Variants in KLF12 observed in about 807,000 individuals in gnomAD.
KLF12 encodes the protein KLF transcription factor 12.
Under a neutral mutation model 37.8 loss-of-function variants are expected in KLF12, and 9 were observed. The observed-to-expected ratio is 0.24, with a 90% confidence interval of 0.14 to 0.42. The LOEUF (loss-of-function observed/expected upper bound fraction) is 0.42, where lower values mean the gene tolerates loss of function less well. KLF12 is among the 10% of genes least tolerant of loss of function. The pLI is 1.00. For missense variants in KLF12, 411 were observed against 516.0 expected, an observed-to-expected ratio of 0.80 and a Z score of 1.97; for synonymous variants, 208 against 202.1, an observed-to-expected ratio of 1.03 and a Z score of -0.25.
At chr13:74,260,564 T>TAAA in the KLF12 span, among the ~76,000 whole-genome samples, 1 of 86,908 alleles carries the variant, frequency 1.2e-5, no homozygotes, top group African/African-American at 8.9e-5. Flanking sequence ...TAAAATAAAA[T>TAAA]AAAATAAAAT....
At chr13:74,278,204 T>A in the KLF12 span, among the ~76,000 whole-genome samples, 1 of 152,200 alleles carries the variant, frequency 6.6e-6, no homozygotes, top group Non-Finnish European at 1.5e-5. Flanking sequence ...TATTTCTATT[T>A]GGGCTGATTA....
chr13:73,831,031 CT>C (rs1566401385), intron 4 of KLF12, among the ~76,000 whole-genome samples: 1 of 125,878 alleles, frequency 7.9e-6, no homozygotes, highest in Non-Finnish European at 1.8e-5. Context: ...CACACGCATA[CT>C]TATTTTACAT....
chr13:73,758,345 T>G (rs138939307), intron 6 of KLF12, among the ~76,000 whole-genome samples: 1 of 152,302 alleles, frequency 6.6e-6, no homozygotes, highest in Non-Finnish European at 1.5e-5. Context: ...CTGTGTGAAT[T>G]TTAAATTTCC....
intron 5 of KLF12, among the ~76,000 whole-genome samples, chr13:73,783,165 G>A (rs1031936907): frequency 6.6e-6 from 1 of 151,720 alleles, no homozygotes; most frequent in African/African-American, 2.4e-5. Flanking sequence ...ATAAAATCCT[G>A]TCATTTGCAG....
the KLF12 span, among the ~76,000 whole-genome samples, chr13:74,287,395 A>AGAGAGAG: frequency 2.9e-3 from 428 of 147,066 alleles, no homozygotes; most frequent in South Asian, 4.3e-3. Flanking sequence ...AGAGAGAGAG[A>AGAGAGAG]ATCCACCTCT....
intron 3 of KLF12, among the ~76,000 whole-genome samples, chr13:73,866,803 G>A (rs947181306): frequency 6.6e-6 from 1 of 150,452 alleles, no homozygotes; most frequent in Non-Finnish European, 1.5e-5. Context: ...AAATCTAACT[G>A]AGTAATGAAG....
intron 1 of KLF12, among the ~76,000 whole-genome samples, chr13:74,119,003 T>C (rs1877468251): frequency 6.6e-6 from 1 of 152,192 alleles, no homozygotes; most frequent in Admixed American, 6.5e-5. Context: ...TCTCAGTATC[T>C]ACTGTTCTCT....
intron 1 of KLF12, among the ~76,000 whole-genome samples, chr13:74,105,137 T>C (rs552833768): frequency 6.6e-6 from 1 of 152,300 alleles, no homozygotes; most frequent in East Asian, 1.9e-4. Flanking sequence ...ACAGGGTTTA[T>C]TGGATGACTA....
chr13:73,824,350 A>G (rs1200082204), intron 4 of KLF12, among the ~76,000 whole-genome samples: 1 of 152,184 alleles, frequency 6.6e-6, no homozygotes, highest in Non-Finnish European at 1.5e-5. Context: ...TAAGCGCTAT[A>G]TAACAGACTT....
chr13:74,086,843 AAAGT>A (rs1291768426), intron 1 of KLF12, among the ~76,000 whole-genome samples: 7 of 152,214 alleles, frequency 4.6e-5, no homozygotes, highest in African/African-American at 1.7e-4. Flanking sequence ...TTCTTACATT[AAAGT>A]AAGCTAGAGA....
At chr13:73,951,695 A>G (rs1314075296) in intron 2 of KLF12, among the ~76,000 whole-genome samples, 1 of 152,206 alleles carries the variant, frequency 6.6e-6, no homozygotes, top group Non-Finnish European at 1.5e-5. Context: ...GCCCTGACCT[A>G]CAGCAGGTGC....
At chr13:74,292,528 C>A in the KLF12 span, among the ~76,000 whole-genome samples, 1 of 150,298 alleles carries the variant, frequency 6.7e-6, no homozygotes, top group Non-Finnish European at 1.5e-5. Flanking sequence ...CATGACCTGT[C>A]TCCTTACTGA....
At chr13:73,917,329 C>G (rs537424572) in intron 3 of KLF12, among the ~76,000 whole-genome samples, 1 of 152,312 alleles carries the variant, frequency 6.6e-6, no homozygotes, top group South Asian at 2.1e-4. Context: ...AGTGATTCCT[C>G]TCATATTTAC....
intron 4 of KLF12, among the ~76,000 whole-genome samples, chr13:73,826,808 G>T (rs1455362747): frequency 2.0e-5 from 3 of 151,712 alleles, no homozygotes; most frequent in Non-Finnish European, 4.4e-5. Flanking sequence ...TTGAGACAGG[G>T]TCTCACTCTG....
the KLF12 span, among the ~76,000 whole-genome samples, chr13:74,285,158 T>G: frequency 6.6e-6 from 1 of 151,936 alleles, no homozygotes; most frequent in Non-Finnish European, 1.5e-5. Context: ...TAAGATCAAA[T>G]GCCTATAGCC....
intron 1 of KLF12, among the ~76,000 whole-genome samples, chr13:74,117,377 G>A (rs1210011550): frequency 6.6e-6 from 1 of 152,156 alleles, no homozygotes; most frequent in Non-Finnish European, 1.5e-5. Context: ...GTGGTCTTTG[G>A]TCAAAACCAG....
intron 2 of KLF12, among the ~76,000 whole-genome samples, chr13:73,946,847 T>TCAGTA (rs1890446379): frequency 6.6e-6 from 1 of 152,204 alleles, no homozygotes; most frequent in African/African-American, 2.4e-5. Context: ...ACAAAAGCGT[T>TCAGTA]CAGTATCACA....
chr13:74,123,372 C>T (rs765006125), intron 1 of KLF12, among the ~76,000 whole-genome samples: 1 of 152,200 alleles, frequency 6.6e-6, no homozygotes, highest in African/African-American at 2.4e-5. Flanking sequence ...ATCCAGGGTA[C>T]CTTCTAGGCA....
the KLF12 span, among the ~76,000 whole-genome samples, chr13:74,155,801 G>A: frequency 0.45 from 68,579 of 151,824 alleles, 16,213 homozygotes; most frequent in East Asian, 0.79. Context: ...TCTTTTCTTC[G>A]GGATAATCTG....
Sources: allele counts gnomAD v4.1 joint callset (sites outside exome capture counted in the v4.1 genomes callset), GRCh38; gene constraint gnomAD v4.1.1; transcripts MANE v1.5; gene names NCBI Gene and HGNC (gene_info 2026-07-23, HGNC 2026-07-21).